Variants in ZNF608 observed in about 807,000 individuals in gnomAD.
The protein encoded by ZNF608 is zinc finger protein 608.
In ZNF608, 12 loss-of-function variants were observed where a neutral mutation model predicts 109.0. That is an observed-to-expected ratio of 0.11 (90% CI 0.07 to 0.18). The LOEUF (loss-of-function observed/expected upper bound fraction) is 0.18, where lower values mean the gene tolerates loss of function less well. Among genes scored for constraint, ZNF608 ranks in the 10% least tolerant of loss-of-function variants. ZNF608 has a pLI of 1.00. For synonymous variants in ZNF608, 732 were observed against 717.4 expected (o/e 1.02, Z -0.33); for missense variants, 1,707 against 1,879.3 (o/e 0.91, Z 1.70).
chr5:124,656,126 C>A (rs1750993780), intron 3 of ZNF608, among the ~76,000 whole-genome samples: 1 of 152,102 alleles, frequency 6.6e-6, no homozygotes, highest in South Asian at 2.1e-4. Flanking sequence ...GAACACAGTG[C>A]TGCGATTAGT....
intron 3 of ZNF608, among the ~76,000 whole-genome samples, chr5:124,659,752 TTAAAG>T (rs1018762976): frequency 3.9e-5 from 6 of 152,210 alleles, no homozygotes; most frequent in African/African-American, 1.2e-4. Context: ...GGACTGTATC[TTAAAG>T]TAATTTCTTA....
chr5:124,744,500 T>TGCCGCTGCC lies in ZNF608; in HGVS notation c.481_489dup (p.Gly161_Gly163dup), dbSNP rs769661657. 1 of 1,614,246 alleles carries TGCCGCTGCC rather than the reference T, an allele frequency of 6.2e-7. No homozygotes were observed. The highest frequency in any genetic ancestry group is 1.1e-5 in the South Asian group (1 of 91,090). On this transcript the variant is annotated inframe_insertion, in exon 2 of 10. Transcript: ENST00000513986. This position sits in a 1 kb window ranked among gnomAD's most constrained non-coding sequence, Gnocchi z 4.5. ...GTGCTGGTACTATTGCTGTTTGGGTTGCCGCTGCCGCCGCTGCTCACACTT... is the reference window on the plus strand; with the variant it reads ...GTGCTGGTACTATTGCTGTTTGGGTTGCCGCTGCCGCCGCTGCCGCCGCTGCTCACACTT...
intron 2 of ZNF608, among the ~76,000 whole-genome samples, chr5:124,729,985 C>A (rs192250304): frequency 6.6e-6 from 1 of 152,226 alleles, no homozygotes; most frequent in Non-Finnish European, 1.5e-5. Context: ...GCAACTACAC[C>A]TCACTGCACA....
At position 124,644,380 on chromosome 5, in the gene ZNF608, T is replaced by C. The variant is rs1750396865; in HGVS notation, c.3987A>G (p.Arg1329=). Residue 1329 remains arginine, a synonymous_variant, in exon 6 of 10, where the codon AGA becomes AGG. Coordinates refer to ENST00000513986, the MANE Select transcript of ZNF608 (RefSeq NM_020747.3). The part of the protein sequence containing the change: ...PVNWKDSRGT[R]VAVSSPMSQH... ...GACTCATGGGTGAGGAGACAGCCAC[T>C]CTTGTTCCCCGAGAGTCCTTCCAGT... The C allele has an allele frequency of 1.9e-6, 3 of 1,614,168 alleles. No individual in the cohort carries two copies. The highest frequency in any genetic ancestry group is 2.5e-6 in the Non-Finnish European group (3 of 1,180,030).
intron 2 of ZNF608, among the ~76,000 whole-genome samples, chr5:124,727,495 A>G (rs1319377567): frequency 6.6e-6 from 1 of 152,136 alleles, no homozygotes; most frequent in African/African-American, 2.4e-5. Flanking sequence ...AAATGAATGT[A>G]TATGTAAAAA....
intron 3 of ZNF608, among the ~76,000 whole-genome samples, chr5:124,692,385 G>A (rs891761388): frequency 5.3e-5 from 8 of 152,172 alleles, no homozygotes; most frequent in Admixed American, 6.5e-5. Flanking sequence ...TGTGCCAGGC[G>A]CTGGGGATCC....
chr5:124,664,432 C>T (rs1751394600), intron 3 of ZNF608, among the ~76,000 whole-genome samples: 1 of 152,202 alleles, frequency 6.6e-6, no homozygotes, highest in Non-Finnish European at 1.5e-5. Context: ...TTATTTTACA[C>T]ACTAGGCAGT....
At chr5:124,732,201 T>C (rs903688310) in intron 2 of ZNF608, among the ~76,000 whole-genome samples, 4 of 152,134 alleles carry the variant, frequency 2.6e-5, no homozygotes, top group Admixed American at 6.5e-5. Flanking sequence ...ATTCAGATAT[T>C]TAAAAGTTCA....
At chr5:124,694,142 ATTTTTTTTTTTTTTTT>A (rs11320730) in intron 3 of ZNF608, among the ~76,000 whole-genome samples, 3 of 63,934 alleles carry the variant, frequency 4.7e-5, no homozygotes, top group Non-Finnish European at 8.5e-5. Context: ...CGCTCGGCTA[ATTTTTTTTTTTTTTTT>A]TTTTTTTTTG....
At chr5:124,708,592 A>T in intron 2 of ZNF608, 1 of 403,490 alleles carries the variant, frequency 2.5e-6, no homozygotes, top group Non-Finnish European at 5.0e-6. Context: ...CTCACTTTAA[A>T]ACCTTACTGA....
intron 9 of ZNF608, among the ~76,000 whole-genome samples, chr5:124,638,407 C>T (rs1750078877): frequency 6.6e-6 from 1 of 152,098 alleles, no homozygotes; most frequent in African/African-American, 2.4e-5. Context: ...CAGACGCACA[C>T]CACCACGCCC....
At chr5:124,649,746 G>T in intron 3 of ZNF608, 49 bp from the exon 4 acceptor site, 1 of 1,157,626 alleles carries the variant, frequency 8.6e-7, no homozygotes, top group Non-Finnish European at 1.2e-6. Context: ...ACTGATTACT[G>T]TTATTTCCAG....
intron 1 of ZNF608, 111 bp from the exon 2 acceptor site, chr5:124,745,283 G>C (rs1307396747): frequency 1.0e-6 from 1 of 988,574 alleles, no homozygotes; most frequent in Non-Finnish European, 1.3e-6. Context: ...GGAGAGTAAG[G>C]TGGCTCATGT....
At chr5:124,746,984 G>A (rs944275593), upstream of ZNF608, among the ~76,000 whole-genome samples, 1 of 151,186 alleles carries the variant, frequency 6.6e-6, no homozygotes, top group Non-Finnish European at 1.5e-5. Context: ...GGAAAATAAC[G>A]GCGTTTAAAA....
At chr5:124,695,981 C>T (rs956103062) in intron 3 of ZNF608, among the ~76,000 whole-genome samples, 1 of 151,940 alleles carries the variant, frequency 6.6e-6, no homozygotes, top group African/African-American at 2.4e-5. Flanking sequence ...GTCAGGAGTT[C>T]GAGACCAGCC....
intron 2 of ZNF608, among the ~76,000 whole-genome samples, chr5:124,714,845 A>C (rs934357403): frequency 6.6e-6 from 1 of 152,366 alleles, no homozygotes; most frequent in Non-Finnish European, 1.5e-5. Context: ...CAGTTTTCAA[A>C]TTAAATGAAA....
In ZNF608 at chr5:124,648,080, C is replaced by A. The variant is rs748882975; in HGVS notation, c.2304G>T (p.Leu768=). 5 of 1,613,768 alleles carry A rather than the reference C, an allele frequency of 3.1e-6. No individual in the cohort carries two copies. The highest frequency in any genetic ancestry group is 4.2e-6 in the Non-Finnish European group (5 of 1,179,976). Residue 768 remains leucine (L), a synonymous_variant, in exon 5 of 10, where the codon CTG becomes CTT. Coordinates refer to ENST00000513986, the MANE Select transcript of ZNF608 (RefSeq NM_020747.3). The part of the protein sequence containing the change: ...TTTTTGTIPG[L]PSLTTTVVQA... Reference sequence around the variant, plus strand: ...GAACAACAGTTGTTGTGAGGGAGGGCAGTCCGGGTATTGTCCCAGTGGTGG... The same window carrying A: ...GAACAACAGTTGTTGTGAGGGAGGGAAGTCCGGGTATTGTCCCAGTGGTGG...
At chr5:124,729,011 T>C (rs578070806) in intron 2 of ZNF608, among the ~76,000 whole-genome samples, 7 of 152,206 alleles carry the variant, frequency 4.6e-5, no homozygotes, top group Non-Finnish European at 5.9e-5. Flanking sequence ...GTCAGCAGTA[T>C]TCTAACTTTA....
rs1178000699 is a variant in ZNF608, at chr5:124,678,480, T to C, written c.1162+22534A>G. On this transcript the variant is annotated intron_variant, in intron 3 of 9. Coordinates refer to ENST00000513986, the MANE Select transcript of ZNF608 (RefSeq NM_020747.3). ...CACTGATAGGTTCCTGTAAATGTAG[T>C]CTAAACAGACGGGGGACTTAACCGG... Among the ~76,000 whole-genome samples the C allele has an allele frequency of 3.9e-5, 6 of 152,274 alleles. No homozygotes were observed. The South Asian group carries it at 1.0e-3, about 26-fold the overall frequency.
Sources: gnomAD v4.1 joint callset for allele counts (sites outside exome capture counted in the v4.1 genomes callset) on GRCh38, gnomAD v4.1.1 for gene constraint, Gnocchi (gnomAD v3.1) non-coding constraint, MANE v1.5 for transcripts, NCBI Gene and HGNC (gene_info 2026-07-23, HGNC 2026-07-21) for gene names.